The following TRPM3 variants were observed in gnomAD, a reference collection of about 807,000 sequenced individuals.
The protein encoded by TRPM3 is transient receptor potential cation channel subfamily M member 3.
TRPM3 carries 77 observed loss-of-function variants against 181.2 expected under a neutral mutation model. The ratio of observed to expected loss-of-function variants is 0.42; its 90% CI spans 0.35 to 0.51. The LOEUF (loss-of-function observed/expected upper bound fraction) is 0.51, where lower values mean the gene tolerates loss of function less well. Ranked by LOEUF, TRPM3 falls within the 20% of genes least tolerant of loss-of-function variation. The probability of loss-of-function intolerance (pLI) is 0.01; values close to 1 mark genes in which losing one functional copy is unlikely to be tolerated. For missense variants in TRPM3, 1,759 were observed against 2,196.7 expected (o/e 0.80, Z 3.98); for synonymous variants, 745 against 796.4 (o/e 0.94, Z 1.09).
At chr9:70,632,428 A>ATCTT (rs2066035153) in intron 12 of TRPM3, among the ~76,000 whole-genome samples, 1 of 152,174 alleles carries the variant, frequency 6.6e-6, no homozygotes, top group South Asian at 2.1e-4. Flanking sequence ...ACCATTGTTC[A>ATCTT]TCTTTCTTGC....
intron 1 of TRPM3, among the ~76,000 whole-genome samples, chr9:70,907,888 T>C (rs116276129): frequency 0.011 from 1,652 of 152,346 alleles, 31 homozygotes; most frequent in African/African-American, 0.038. Context: ...TATGATTTCA[T>C]TCTTTTTAAT....
At chr9:70,643,690 A>G (rs912165824) in intron 9 of TRPM3, among the ~76,000 whole-genome samples, 3 of 152,206 alleles carry the variant, frequency 2.0e-5, no homozygotes, top group Non-Finnish European at 2.9e-5. Flanking sequence ...TGGTCACCCT[A>G]TTCTCGACTA....
chr9:70,803,451 GT>G (rs36024262), intron 6 of TRPM3, among the ~76,000 whole-genome samples: 14,912 of 125,090 alleles, frequency 0.12, 743 homozygotes, highest in African/African-American at 0.24. Context: ...CGTTTTTGTT[GT>G]TTTTTTTTTT....
chr9:71,420,623 A>C (rs1184221915), intron 1 of TRPM3, among the ~76,000 whole-genome samples: 1 of 144,330 alleles, frequency 6.9e-6, no homozygotes. Flanking sequence ...GAAAGACAGA[A>C]AAAGAAAAAG....
chr9:70,530,115 G>T lies in TRPM3; in HGVS notation c.*5838C>A, dbSNP rs139525124. 212 of 152,404 alleles carry T rather than the reference G, an allele frequency of 1.4e-3. No homozygotes were observed. Among genetic ancestry groups the T allele is most frequent in the Non-Finnish European group, 2.3e-3 (154 of 68,068 alleles). The allele number at this position is 152,404 out of a possible 1,614,324, so 9.4% of individuals were successfully genotyped here. A position where few individuals can be genotyped will look rare whatever the true frequency, so the allele number is the denominator to read the frequency against. The stretch of plus-strand genomic sequence containing the variant: ...CAATGTGAACACCAGCCGGGGTAGA[G>T]GCAGGAGGAGGCTAAGTTGGTGGGA... On this transcript the variant is annotated 3_prime_UTR_variant, in exon 26 of 26. Transcript: ENST00000677713.
At chr9:71,100,897 G>A (rs143783388) in intron 1 of TRPM3, among the ~76,000 whole-genome samples, 431 of 152,230 alleles carry the variant, frequency 2.8e-3, no homozygotes, top group African/African-American at 9.6e-3. Context: ...CAAATGCACC[G>A]TGGATCTCAG....
intron 6 of TRPM3, among the ~76,000 whole-genome samples, chr9:70,801,499 T>A (rs969592253): frequency 2.6e-5 from 4 of 152,084 alleles, no homozygotes; most frequent in African/African-American, 9.7e-5. Context: ...AAGGGGAAAA[T>A]ATAAATTAAT....
intron 1 of TRPM3, among the ~76,000 whole-genome samples, chr9:70,882,555 A>G (rs1048118671): frequency 6.6e-6 from 1 of 152,022 alleles, no homozygotes; most frequent in African/African-American, 2.4e-5. Context: ...TATTTTTTTC[A>G]GAATGACACC....
At chr9:71,438,367 G>A (rs950309746) in intron 1 of TRPM3, among the ~76,000 whole-genome samples, 2 of 152,114 alleles carry the variant, frequency 1.3e-5, no homozygotes, top group Admixed American at 6.6e-5. Flanking sequence ...TAGTGTTACA[G>A]TTTTGTTTTA....
chr9:71,034,159 C>T (rs1191741577), intron 1 of TRPM3, among the ~76,000 whole-genome samples: 3 of 152,156 alleles, frequency 2.0e-5, no homozygotes, highest in Non-Finnish European at 4.4e-5. Flanking sequence ...TGAAGACCTA[C>T]TGTACTTCGA....
chr9:71,077,800 G>A (rs929912165), intron 1 of TRPM3, among the ~76,000 whole-genome samples: 6 of 151,976 alleles, frequency 3.9e-5, no homozygotes, highest in African/African-American at 1.5e-4. Flanking sequence ...ATATGTGCTT[G>A]ATAAACTGAA....
At chr9:70,817,690 G>A (rs1455708467) in intron 6 of TRPM3, among the ~76,000 whole-genome samples, 1 of 152,076 alleles carries the variant, frequency 6.6e-6, no homozygotes. Context: ...CTCCCCAGAA[G>A]AAATTCTCAT....
At chr9:71,252,223 G>A (rs1340512023) in intron 1 of TRPM3, among the ~76,000 whole-genome samples, 1 of 151,020 alleles carries the variant, frequency 6.6e-6, no homozygotes, top group Non-Finnish European at 1.5e-5. Context: ...TTTTTTTTTA[G>A]GTTCTCTAAT....
intron 1 of TRPM3, among the ~76,000 whole-genome samples, chr9:71,297,860 A>G (rs978834616): frequency 1.3e-5 from 2 of 152,160 alleles, no homozygotes; most frequent in South Asian, 2.1e-4. Context: ...TGACTGCCCA[A>G]TTTCACAGTT....
At chr9:71,402,608 T>C (rs2093361824) in intron 1 of TRPM3, among the ~76,000 whole-genome samples, 1 of 152,230 alleles carries the variant, frequency 6.6e-6, no homozygotes, top group South Asian at 2.1e-4. Flanking sequence ...TGTACTTAAC[T>C]GAGTGATCCT....
intron 1 of TRPM3, among the ~76,000 whole-genome samples, chr9:71,119,538 TTTAAAAAA>T (rs923669105): frequency 2.0e-5 from 3 of 151,598 alleles, no homozygotes; most frequent in Non-Finnish European, 4.4e-5. Flanking sequence ...ACATTCTCCA[TTTAAAAAA>T]AAACTAGCAT....
At chr9:71,289,607 C>T (rs147937052) in intron 1 of TRPM3, among the ~76,000 whole-genome samples, 1 of 152,046 alleles carries the variant, frequency 6.6e-6, no homozygotes, top group Non-Finnish European at 1.5e-5. Flanking sequence ...GTGGCTCACG[C>T]CTGTAATCCC....
intron 1 of TRPM3, among the ~76,000 whole-genome samples, chr9:71,077,040 G>A (rs953996125): frequency 6.6e-6 from 1 of 152,132 alleles, no homozygotes; most frequent in African/African-American, 2.4e-5. Flanking sequence ...CCATTAACAG[G>A]TTATAGTCTT....
rs2059379159 is a variant in TRPM3 at position 70,598,535 on chromosome 9, T to C, written c.2932A>G (p.Arg978Gly). The C allele has an allele frequency of 6.2e-7, 1 of 1,614,226 alleles. No individual in the cohort carries two copies. Among genetic ancestry groups the C allele is most frequent in the Non-Finnish European group, 8.5e-7 (1 of 1,180,038 alleles). ...MILRLQDQPF[R>G]SDGRVIYCVN... ...CAGTAGATGACCCTCCCGTCACTCC[T>C]GAAGGGCTGGTCTTGGAGACGAAGG... The change falls in exon 21 of 26, where the codon AGG (arginine) becomes GGG (glycine). Residue 978 changes from arginine to glycine, a missense_variant. Coordinates refer to ENST00000677713, the MANE Select transcript of TRPM3 (RefSeq NM_001366145.2).
Sources: gnomAD v4.1 joint callset for allele counts (sites outside exome capture counted in the v4.1 genomes callset) on GRCh38, gnomAD v4.1.1 for gene constraint, MANE v1.5 for transcripts, NCBI Gene and HGNC (gene_info 2026-07-23, HGNC 2026-07-21) for gene names.